Variants in NALF1 observed in about 807,000 individuals in gnomAD.
The protein encoded by NALF1 is family with sequence similarity 155 member A.
In NALF1, 3 loss-of-function variants were observed where a neutral mutation model predicts 48.4. The observed-to-expected ratio is 0.06, with a 90% confidence interval of 0.03 to 0.16. NALF1 has a LOEUF of 0.16. NALF1 is among the 10% of genes least tolerant of loss of function. NALF1 has a pLI of 1.00. For missense variants in NALF1, 526 were observed against 571.5 expected (o/e 0.92, Z 0.81); for synonymous variants, 262 against 245.7 (o/e 1.07, Z -0.62).
At chr13:107,534,713 T>G (rs1476388915) in intron 1 of NALF1, among the ~76,000 whole-genome samples, 2 of 152,190 alleles carry the variant, frequency 1.3e-5, no homozygotes, top group Non-Finnish European at 2.9e-5. Context: ...ACAGTGCTGA[T>G]GCTGACTGTA....
At chr13:107,417,060 C>T (rs1594051885) in intron 1 of NALF1, among the ~76,000 whole-genome samples, 1 of 152,238 alleles carries the variant, frequency 6.6e-6, no homozygotes, top group Admixed American at 6.5e-5. Flanking sequence ...CCCATCCCGA[C>T]ATTATCCATT....
intron 2 of NALF1, among the ~76,000 whole-genome samples, chr13:107,206,492 T>C (rs1419144874): frequency 1.3e-5 from 2 of 152,204 alleles, no homozygotes. Context: ...ATTTGGTACA[T>C]GGTGATGTGA....
At chr13:107,851,805 C>CTTTT (rs34999908) in intron 1 of NALF1, among the ~76,000 whole-genome samples, 44 of 104,708 alleles carry the variant, frequency 4.2e-4, no homozygotes, top group African/African-American at 5.0e-4. Flanking sequence ...CAGGCCCTTT[C>CTTTT]TTTTTTTTTT....
chr13:107,631,938 G>A (rs1432387866), intron 1 of NALF1, among the ~76,000 whole-genome samples: 1 of 151,868 alleles, frequency 6.6e-6, no homozygotes, highest in Non-Finnish European at 1.5e-5. Flanking sequence ...CCCCTTCAAA[G>A]ACTTAAAAAA....
At chr13:107,459,971 G>A (rs1313406039) in intron 1 of NALF1, among the ~76,000 whole-genome samples, 1 of 152,082 alleles carries the variant, frequency 6.6e-6, no homozygotes, top group Non-Finnish European at 1.5e-5. Flanking sequence ...CAAACTCCTG[G>A]GTTCAAGGGA....
chr13:107,839,183 A>C (rs990831459), intron 1 of NALF1, among the ~76,000 whole-genome samples: 2 of 151,950 alleles, frequency 1.3e-5, no homozygotes, highest in Non-Finnish European at 2.9e-5. Flanking sequence ...TTTAGTGCTT[A>C]GTTTAATTCT....
chr13:107,836,505 G>GA lies in NALF1; in HGVS notation c.915+29176dup, dbSNP rs540005599. Among the ~76,000 whole-genome samples the GA allele has an allele frequency of 3.0e-4, 45 of 151,978 alleles. 1 individual carries two copies. The highest frequency in any genetic ancestry group is 6.8e-3 in the Middle Eastern group (2 of 292). On this transcript the variant is annotated intron_variant, in intron 1 of 2. Coordinates refer to ENST00000375915, the MANE Select transcript of NALF1 (RefSeq NM_001080396.3). ...CATTAAAAATGAGGAATTTCTCACT[G>GA]AAAAAAATGGATTAGCCCTTCTGCT...
intron 1 of NALF1, among the ~76,000 whole-genome samples, chr13:107,314,850 C>T (rs1222186798): frequency 6.6e-6 from 1 of 152,162 alleles, no homozygotes; most frequent in African/African-American, 2.4e-5. Context: ...GAGAAATGAA[C>T]TGACGAGTGA....
At chr13:107,228,518 C>T (rs758785060) in intron 1 of NALF1, among the ~76,000 whole-genome samples, 8 of 152,184 alleles carry the variant, frequency 5.3e-5, no homozygotes, top group Non-Finnish European at 7.3e-5. Context: ...GCTCCGTTGT[C>T]ACATGTATCT....
chr13:107,324,620 A>G (rs749166095), intron 1 of NALF1, among the ~76,000 whole-genome samples: 1 of 152,046 alleles, frequency 6.6e-6, no homozygotes, highest in Non-Finnish European at 1.5e-5. Flanking sequence ...AAAACATTCT[A>G]TTTCTTCACC....
At chr13:107,790,834 G>A (rs1043001900) in intron 1 of NALF1, among the ~76,000 whole-genome samples, 1 of 150,984 alleles carries the variant, frequency 6.6e-6, no homozygotes, top group African/African-American at 2.4e-5. Context: ...ATAATATACA[G>A]GCTAAATAAA....
chr13:107,458,904 G>A (rs566987917), intron 1 of NALF1, among the ~76,000 whole-genome samples: 29 of 152,174 alleles, frequency 1.9e-4, no homozygotes, highest in African/African-American at 6.7e-4. Context: ...AGCAGAAAGT[G>A]CAGTGTTTCT....
At chr13:107,565,234 G>A (rs554140531) in intron 1 of NALF1, among the ~76,000 whole-genome samples, 1 of 151,020 alleles carries the variant, frequency 6.6e-6, no homozygotes, top group South Asian at 2.1e-4. Context: ...AAATTAAGGG[G>A]CATGGCCAGG....
At chr13:107,737,235 C>T (rs1267231326) in intron 1 of NALF1, among the ~76,000 whole-genome samples, 1 of 152,170 alleles carries the variant, frequency 6.6e-6, no homozygotes, top group Admixed American at 6.5e-5. Flanking sequence ...GATTTCATGA[C>T]ACCATTTCAC....
At chr13:107,237,412 C>T (rs1000066571) in intron 1 of NALF1, among the ~76,000 whole-genome samples, 2 of 152,050 alleles carry the variant, frequency 1.3e-5, no homozygotes, top group African/African-American at 4.8e-5. Flanking sequence ...AACCCAAAAA[C>T]GTATATAGCT....
chr13:107,459,935 T>C (rs1884890727), intron 1 of NALF1, among the ~76,000 whole-genome samples: 1 of 151,958 alleles, frequency 6.6e-6, no homozygotes, highest in South Asian at 2.1e-4. Context: ...AGAGATGGGG[T>C]TTCACTATGT....
chr13:107,361,994 T>C (rs1167599061), intron 1 of NALF1, among the ~76,000 whole-genome samples: 3 of 152,158 alleles, frequency 2.0e-5, no homozygotes, highest in African/African-American at 4.8e-5. Flanking sequence ...ATCCTTGTTC[T>C]GAGATGTTCT....
At chr13:107,295,224 A>C (rs1043554499) in intron 1 of NALF1, among the ~76,000 whole-genome samples, 2 of 152,126 alleles carry the variant, frequency 1.3e-5, no homozygotes, top group Admixed American at 6.5e-5. Flanking sequence ...CCTGCTAATA[A>C]GTGATAACAT....
At chr13:107,412,063 T>G (rs776824990) in intron 1 of NALF1, among the ~76,000 whole-genome samples, 3 of 152,200 alleles carry the variant, frequency 2.0e-5, no homozygotes, top group African/African-American at 4.8e-5. Context: ...ATCCTCAGCT[T>G]ATGAGTGTAT....
Sources: gnomAD v4.1 joint callset for allele counts (sites outside exome capture counted in the v4.1 genomes callset) on GRCh38, gnomAD v4.1.1 for gene constraint, MANE v1.5 for transcripts, NCBI Gene and HGNC (gene_info 2026-07-23, HGNC 2026-07-21) for gene names.